The following VPS13C variants were observed in gnomAD, a reference collection of about 807,000 sequenced individuals.
VPS13C encodes intermembrane lipid transfer protein VPS13C.
A neutral mutation model predicts 456.8 loss-of-function variants in VPS13C; 358 were observed. The ratio of observed to expected loss-of-function variants is 0.78; its 90% confidence interval spans 0.72 to 0.86. The LOEUF is 0.86. Ranked by LOEUF, VPS13C falls within the 40% of genes least tolerant of loss-of-function variation. The pLI is 0.00. For synonymous variants in VPS13C, 1,578 were observed against 1,486.7 expected, an observed-to-expected ratio of 1.06 and a Z score of -1.41; for missense variants, 4,818 against 4,385.4, an observed-to-expected ratio of 1.10 and a Z score of -2.79.
At chr15:61,952,994 G>A (rs367626715) in intron 38 of VPS13C, among the ~76,000 whole-genome samples, 3 of 152,006 alleles carry the variant, frequency 2.0e-5, no homozygotes, top group South Asian at 4.2e-4. Flanking sequence ...AGAGTACTGA[G>A]ATTACAGGCA....
chr15:62,000,521 T>A (rs1487470495), intron 16 of VPS13C, 43 bp downstream of exon 16: 10 of 1,561,882 alleles, frequency 6.4e-6, no homozygotes, highest in Non-Finnish European at 8.7e-6. Flanking sequence ...AAAGCGGGCA[T>A]TAACATGTTT....
At chr15:61,864,683 G>A in intron 81 of VPS13C, 1 of 985,514 alleles carries the variant, frequency 1.0e-6, no homozygotes, top group African/African-American at 1.7e-5. Flanking sequence ...GAATAAGGAA[G>A]AGGAATCCAC....
intron 82 of VPS13C, among the ~76,000 whole-genome samples, chr15:61,859,200 T>C (rs1208929237): frequency 1.3e-5 from 2 of 151,986 alleles, no homozygotes; most frequent in African/African-American, 4.8e-5. Flanking sequence ...TGAGACTCTG[T>C]CTCTTCTAAA....
intron 53 of VPS13C, 38 bp from the exon 54 acceptor site, chr15:61,922,800 T>C: frequency 6.7e-7 from 1 of 1,499,516 alleles, no homozygotes; most frequent in Non-Finnish European, 8.9e-7. Flanking sequence ...TATAATAAAT[T>C]CTTTCCCAGA....
At position 61,869,564 on chromosome 15, in the gene VPS13C, C is replaced by A; in HGVS notation, c.10684G>T (p.Ala3562Ser). Residue 3562 changes from alanine (A) to serine (S), a missense_variant, in exon 80 of 85, where the codon GCT becomes TCT. Coordinates refer to ENST00000644861, the MANE Select transcript of VPS13C (RefSeq NM_020821.3). Reference sequence around the variant, plus strand: ...ATTCCACCAGTTGGACGGGCCACAGCACCCACAAGCCCTTTTCCAATTCCT... The same window carrying A: ...ATTCCACCAGTTGGACGGGCCACAGAACCCACAAGCCCTTTTCCAATTCCT... The part of the protein sequence containing the change: ...FKGIGKGLVG[A>S]VARPTGGIVD... 6.2e-7 allele frequency: 1 copy of A among 1,614,176 alleles called. No individual in the cohort carries two copies. Among genetic ancestry groups the A allele is most frequent in the Non-Finnish European group, 8.5e-7 (1 of 1,180,026 alleles).
chr15:61,939,687 G>A (rs1352277042), intron 47 of VPS13C, among the ~76,000 whole-genome samples: 1 of 152,066 alleles, frequency 6.6e-6, no homozygotes, highest in East Asian at 1.9e-4. Context: ...CAACCTTCTA[G>A]CTACATTATT....
chr15:62,014,798 A>G (rs751223276), intron 9 of VPS13C, among the ~76,000 whole-genome samples: 4 of 152,160 alleles, frequency 2.6e-5, no homozygotes, highest in Non-Finnish European at 5.9e-5. Context: ...TAACCAGTAC[A>G]ATAATATTTT....
intron 9 of VPS13C, among the ~76,000 whole-genome samples, chr15:62,019,675 C>G (rs2047386471): frequency 6.6e-6 from 1 of 151,814 alleles, no homozygotes; most frequent in African/African-American, 2.4e-5. Context: ...AATTTCTGTT[C>G]TTTACATTTG....
At chr15:62,020,420 G>A (rs2047419896) in intron 9 of VPS13C, 59 bp downstream of exon 9, 5 of 1,440,576 alleles carry the variant, frequency 3.5e-6, no homozygotes, top group Non-Finnish European at 4.7e-6. Context: ...AATTTACCCT[G>A]TGACTTCAGA....
At chr15:62,015,371 T>G (rs1192062637) in intron 9 of VPS13C, among the ~76,000 whole-genome samples, 1 of 152,120 alleles carries the variant, frequency 6.6e-6, no homozygotes, top group Non-Finnish European at 1.5e-5. Flanking sequence ...AGATCCCATT[T>G]GTCAATTTTG....
intron 24 of VPS13C, 115 bp from the exon 25 acceptor site, chr15:61,974,532 T>A: frequency 2.0e-6 from 2 of 1,005,414 alleles, no homozygotes; most frequent in Non-Finnish European, 2.8e-6. Context: ...TGTTTTAATC[T>A]AATTACACTA....
At chr15:62,017,048 C>A (rs1370904645) in intron 9 of VPS13C, among the ~76,000 whole-genome samples, 2 of 150,562 alleles carry the variant, frequency 1.3e-5, no homozygotes, top group Non-Finnish European at 2.9e-5. Flanking sequence ...TTTCATGTGT[C>A]TGTTGGCTGC....
chr15:61,929,426 A>G (rs2043978234), intron 51 of VPS13C, 75 bp downstream of exon 51: 1 of 1,517,688 alleles, frequency 6.6e-7, no homozygotes, highest in African/African-American at 1.4e-5. Flanking sequence ...TAAATTTTTC[A>G]TTTCTCTTTT....
chr15:62,037,853 T>C (rs1468691093), intron 3 of VPS13C, among the ~76,000 whole-genome samples: 1 of 152,064 alleles, frequency 6.6e-6, no homozygotes, highest in Non-Finnish European at 1.5e-5. Context: ...TGCCTAAAGA[T>C]GCTTTCAATC....
intron 1 of VPS13C, among the ~76,000 whole-genome samples, chr15:62,045,280 T>C (rs1017321369): frequency 2.6e-5 from 4 of 151,822 alleles, no homozygotes; most frequent in Non-Finnish European, 4.4e-5. Flanking sequence ...GCCATTACTT[T>C]TAATGGCAAA....
At chr15:61,923,864 T>TTTTTG (rs2043746145) in intron 53 of VPS13C, among the ~76,000 whole-genome samples, 1 of 94,748 alleles carries the variant, frequency 1.1e-5, no homozygotes, top group African/African-American at 4.8e-5. Context: ...TCTAAATCTT[T>TTTTTG]TTTTTTTTTT....
At chr15:61,922,097 A>C in intron 54 of VPS13C, 64 bp from the exon 55 acceptor site, 1 of 1,511,266 alleles carries the variant, frequency 6.6e-7, no homozygotes, top group Non-Finnish European at 9.1e-7. Flanking sequence ...TTCTGTAACC[A>C]ATAGGGAAAT....
intron 5 of VPS13C, among the ~76,000 whole-genome samples, chr15:62,029,433 C>T (rs1347832153): frequency 6.6e-6 from 1 of 152,090 alleles, no homozygotes; most frequent in Non-Finnish European, 1.5e-5. Context: ...CACAGATGCT[C>T]TATACTTTCC....
chr15:61,982,995 A>G (rs900589307), intron 20 of VPS13C, among the ~76,000 whole-genome samples: 14 of 152,230 alleles, frequency 9.2e-5, no homozygotes, highest in Non-Finnish European at 1.8e-4. Flanking sequence ...TTAAAAAATC[A>G]GAGATTTTCC....
Sources: allele counts gnomAD v4.1 joint callset (sites outside exome capture counted in the v4.1 genomes callset), GRCh38; gene constraint gnomAD v4.1.1; transcripts MANE v1.5; gene names NCBI Gene and HGNC (gene_info 2026-07-23, HGNC 2026-07-21).